Variants in TTN observed in about 807,000 individuals in gnomAD.
The protein encoded by TTN is connectin.
Under a neutral mutation model 3,223.0 loss-of-function variants are expected in TTN, and 1,525 were observed. That is an observed-to-expected ratio of 0.47 (90% CI 0.45 to 0.49). The LOEUF is 0.49. Among genes scored for constraint, TTN ranks in the 20% least tolerant of loss-of-function variants. The pLI, the probability that TTN is intolerant of heterozygous loss-of-function variation, is 0.00. For missense variants in TTN, 40,786 were observed against 43,424.0 expected, an observed-to-expected ratio of 0.94 and a Z score of 5.40; for synonymous variants, 14,094 against 15,161.0, an observed-to-expected ratio of 0.93 and a Z score of 5.17.
Position 178,567,446 on chromosome 2 carries a change from C to T in TTN, c.78686G>A (p.Arg26229Lys), listed in dbSNP as rs751381334. The T allele has an allele frequency of 6.2e-7, 1 of 1,612,694 alleles. No individual in the cohort carries two copies. Among genetic ancestry groups the T allele is most frequent in the East Asian group, 2.2e-5 (1 of 44,826 alleles). Reference protein sequence around the residue: ...GKPLPTIEWLRGDKEIEESAR... With the variant: ...GKPLPTIEWLKGDKEIEESAR... ...AGATTCTTCAATTTCCTTATCTCCT[C>T]TTAACCACTCAATGGTAGGTAGGGG... Residue 26229 changes from arginine to lysine, a missense_variant, in exon 326 of 363, where the codon AGA becomes AAA. Coordinates refer to ENST00000589042, the MANE Select transcript of TTN (RefSeq NM_001267550.2).
chr2:178,649,500 C>G, intron 212 of TTN, 54 bp downstream of exon 212: 1 of 1,513,510 alleles, frequency 6.6e-7, no homozygotes, highest in Non-Finnish European at 8.9e-7. Flanking sequence ...TTGGATTCCA[C>G]TTTAAGATAT....
chr2:178,581,667 C>T lies in TTN; in HGVS notation c.66601G>A (p.Asp22201Asn), dbSNP rs368924655. ...YLVEVKRADS[D>N]NWVRCNLPQN... ...GGTAAGTTGCACCTCACCCAGTTAT[C>T]GGAGTCAGCCCGTTTTACTTCAACG... The change falls in exon 316 of 363, where the codon GAT becomes AAT. Residue 22201 changes from aspartate (D) to asparagine (N), a missense_variant. Physicochemically the swap from Asp to Asn is conservative, Grantham distance 23 (BLOSUM62 1). Transcript: ENST00000589042. 52 of 1,612,660 alleles carry T rather than the reference C, an allele frequency of 3.2e-5. No individual in the cohort carries two copies. The highest frequency in any genetic ancestry group is 1.7e-4 in the Middle Eastern group (1 of 6,050).
rs886038878 is a variant in TTN at position 178,588,609 on chromosome 2, T to G, written c.63116A>C (p.Lys21039Thr). 1.1e-5 allele frequency: 18 copies of G among 1,573,632 alleles called. No homozygotes were observed. The Admixed American group carries it at 2.4e-4, about 21-fold the overall frequency. Residue 21039 changes from lysine (K) to threonine (T), a missense_variant, in exon 304 of 363, where the codon AAG (lysine) becomes ACG (threonine). Physicochemically the swap from Lys to Thr is moderately conservative, Grantham distance 78 (BLOSUM62 -1). Transcript: ENST00000589042. ...LPDHEYQFRV[K>T]AENEIGIGEP... ...TCCAATTCCAATTTCATTTTCTGCC[T>G]TGACACGGAACTGATATTCATGGTC...
Position 178,579,063 on chromosome 2 carries a change from A to T in TTN, c.67967T>A (p.Val22656Asp), listed in dbSNP as rs758038684. 16 of 1,613,284 alleles carry T rather than the reference A, an allele frequency of 9.9e-6. No individual in the cohort carries two copies. The highest frequency in any genetic ancestry group is 1.4e-5 in the Non-Finnish European group (16 of 1,179,532). The change falls in exon 320 of 363, where the codon GTC (valine) becomes GAC (aspartate). Residue 22656 changes from valine to aspartate, a missense_variant. Val to Asp is a radical substitution (Grantham distance 152). Transcript: ENST00000589042. Reference sequence around the variant, plus strand: ...CTTTAAGGTCATGGCTTCTGCTGTGACTTCATCAAATTTGATTGGTCCAGT... The same window carrying T: ...CTTTAAGGTCATGGCTTCTGCTGTGTCTTCATCAAATTTGATTGGTCCAGT... Reference protein sequence around the residue: ...IPTGPIKFDEVTAEAMTLKWA... With the variant: ...IPTGPIKFDEDTAEAMTLKWA...
chr2:178,663,184 T>C lies in TTN; in HGVS notation c.36700+82A>G, dbSNP rs2065078706. ...TTTCTTTAGAATTATATCATCTTTA[T>C]GTAGTAGGATTTTTAACATGTAATT... On this transcript the variant is annotated intron_variant, in intron 173 of 362. Coordinates refer to ENST00000589042, the MANE Select transcript of TTN (RefSeq NM_001267550.2). 11 of 1,592,094 alleles carry C rather than the reference T, an allele frequency of 6.9e-6. No individual in the cohort carries two copies. In the East Asian group the frequency reaches 2.5e-4, roughly 36 times the overall value.
Position 178,538,658 on chromosome 2 carries a change from T to C in TTN, c.99171A>G (p.Gln33057=), listed in dbSNP as rs1472461782. ...CTTCCAGCAAACCTCCTATTGTGAA[T>C]TGCTTGTCCTTAATACGTTCCTTAT... The part of the protein sequence containing the change: ...KSNKERIKDK[Q]FTIGGLLEAT... Residue 33057 remains glutamine (Q), a synonymous_variant, in exon 354 of 363, where the codon CAA becomes CAG. Coordinates refer to ENST00000589042, the MANE Select transcript of TTN (RefSeq NM_001267550.2). The C allele has an allele frequency of 1.9e-6, 3 of 1,613,804 alleles. No individual in the cohort carries two copies. Among genetic ancestry groups the C allele is most frequent in the Admixed American group, 3.3e-5 (2 of 60,022 alleles).
intron 120 of TTN, 24 bp downstream of exon 120, chr2:178,692,473 T>A (rs2072702352): frequency 1.9e-6 from 3 of 1,547,562 alleles, no homozygotes; most frequent in East Asian, 2.4e-5. Flanking sequence ...CTAAGAATTA[T>A]TTTTTTCACA....
At chr2:178,785,563 C>T in intron 15 of TTN, 57 bp downstream of exon 15, 2 of 1,610,820 alleles carry the variant, frequency 1.2e-6, no homozygotes, top group Non-Finnish European at 1.7e-6. Flanking sequence ...CTCTGTTTCA[C>T]AGGTTAGATA....
intron 47 of TTN, chr2:178,750,163 T>C: frequency 6.2e-7 from 1 of 1,613,182 alleles, no homozygotes; most frequent in Non-Finnish European, 8.5e-7. Context: ...AATGAAGATT[T>C]GTTTGGCCCT....
rs747933690 is a variant in TTN at position 178,633,233 on chromosome 2, A to G, written c.43040T>C (p.Val14347Ala). Residue 14347 changes from valine (V) to alanine (A), a missense_variant, in exon 233 of 363, where the codon GTT (valine) becomes GCT (alanine). Val to Ala is a moderately conservative substitution (Grantham distance 64, BLOSUM62 0). Transcript: ENST00000589042. ...HFEIELSEPD[V>A]HGQWKLKGQP... ...TCCTTTCAGCTTCCACTGGCCGTGA[A>G]CATCAGGTTCAGAAAGTTCAATTTC... The G allele has an allele frequency of 2.5e-6, 4 of 1,613,120 alleles. No individual in the cohort carries two copies. Among genetic ancestry groups the G allele is most frequent in the Non-Finnish European group, 3.4e-6 (4 of 1,179,482 alleles).
rs769255050 is a variant in TTN at position 178,549,988 on chromosome 2, T to C, written c.91850A>G (p.Gln30617Arg). Residue 30617 changes from glutamine (Q) to arginine (R), a missense_variant and splice_region_variant, in exon 337 of 363, where the codon CAA becomes CGA. Transcript: ENST00000589042. ...SAKAEIKVKV[Q>R]DTPGKVVGPI... ...TTAAGAAGCTATTTTAAAAGTACCT[T>C]GTACTTTCACTTTAATTTCTGCTTT... The C allele has an allele frequency of 6.2e-7, 1 of 1,606,642 alleles. No homozygotes were observed. Among genetic ancestry groups the C allele is most frequent in the Non-Finnish European group, 8.5e-7 (1 of 1,174,820 alleles).
Position 178,685,306 on chromosome 2 carries a change from A to G in TTN, c.32417T>C (p.Ile10806Thr). The G allele has an allele frequency of 6.4e-7, 1 of 1,551,830 alleles. No homozygotes were observed. Among genetic ancestry groups the G allele is most frequent in the South Asian group, 1.2e-5 (1 of 83,490 alleles). ...AEVTERQEKK[I>T]VLKPKIPAKI... ...AGCAGGAATTTTTGGTTTCAGTACAATTTTCTTCTCCTGCCTCTCTGTCAC... is the reference window on the plus strand; with the variant it reads ...AGCAGGAATTTTTGGTTTCAGTACAGTTTTCTTCTCCTGCCTCTCTGTCAC... The change falls in exon 129 of 363, where the codon ATT becomes ACT. Residue 10806 changes from isoleucine (I) to threonine (T), a missense_variant. Coordinates refer to ENST00000589042, the MANE Select transcript of TTN (RefSeq NM_001267550.2).
At chr2:178,690,811 T>A (rs2072214503) in intron 121 of TTN, among the ~76,000 whole-genome samples, 1 of 152,160 alleles carries the variant, frequency 6.6e-6, no homozygotes, top group Non-Finnish European at 1.5e-5. Flanking sequence ...ATACGTGCTA[T>A]TATACTATGT....
At chr2:178,685,715 C>A in intron 127 of TTN, 117 bp from the exon 128 acceptor site, 1 of 917,808 alleles carries the variant, frequency 1.1e-6, no homozygotes, top group Admixed American at 2.6e-5. Context: ...CCTTGCCAAA[C>A]CCCTGCTTGT....
intron 242 of TTN, 130 bp downstream of exon 242, chr2:178,624,335 G>A: frequency 9.1e-7 from 1 of 1,102,288 alleles, no homozygotes; most frequent in Non-Finnish European, 1.3e-6. Flanking sequence ...GGTTAGGTCA[G>A]TGTCAATACT....
Position 178,786,003 on chromosome 2 carries a change from C to T in TTN, c.2215G>A (p.Glu739Lys). 1 of 1,614,092 alleles carries T rather than the reference C, an allele frequency of 6.2e-7. No homozygotes were observed. The highest frequency in any genetic ancestry group is 8.5e-7 in the Non-Finnish European group (1 of 1,179,990). The change falls in exon 14 of 363, where the codon GAA becomes AAA. Residue 739 changes from glutamate to lysine, a missense_variant. Physicochemically the swap from Glu to Lys is moderately conservative, Grantham distance 56. Transcript: ENST00000589042. ...QQTTLEYGYK[E>K]RISAAKVAEP... The stretch of plus-strand genomic sequence containing the variant: ...GCTACCTTTGCGGCGGAAATGCGTT[C>T]CTTATATCCGTACTCCAAAGTGGTC...
chr2:178,626,224 AAACC>A (rs1201637819), intron 240 of TTN, among the ~76,000 whole-genome samples: 1 of 151,992 alleles, frequency 6.6e-6, no homozygotes, highest in African/African-American at 2.4e-5. Flanking sequence ...CTTATTTTGC[AAACC>A]AATTAAACCT....
rs794729580 is a variant in TTN, at chr2:178,771,411, A to C, written c.7916T>G (p.Phe2639Cys). 1.9e-6 allele frequency: 3 copies of C among 1,613,994 alleles called. No homozygotes were observed. The highest frequency in any genetic ancestry group is 2.5e-6 in the Non-Finnish European group (3 of 1,179,898). The change falls in exon 34 of 363, where the codon TTT (phenylalanine) becomes TGT (cysteine). Residue 2639 changes from phenylalanine (F) to cysteine (C), a missense_variant. Coordinates refer to ENST00000589042, the MANE Select transcript of TTN (RefSeq NM_001267550.2). ...ATCTGGGTTGGCAACTTCACATTCA[A>C]ACACAGCTTCCTGGGATTCAGCTAC... ...QTVAESQEAV[F>C]ECEVANPDSK...
intron 250 of TTN, chr2:178,619,397 G>T: frequency 1.7e-6 from 1 of 574,294 alleles, no homozygotes; most frequent in East Asian, 3.0e-5. Context: ...TAGTCATCAT[G>T]TACTAGCAAC....
Sources: gnomAD v4.1 joint callset for allele counts (sites outside exome capture counted in the v4.1 genomes callset) on GRCh38, gnomAD v4.1.1 for gene constraint, MANE v1.5 for transcripts, NCBI Gene and HGNC (gene_info 2026-07-23, HGNC 2026-07-21) for gene names.